Variants in CADM2 observed in about 807,000 individuals in gnomAD.
The protein encoded by CADM2 is cell adhesion molecule 2, also known as immunoglobulin superfamily member 4D.
CADM2 carries 12 observed loss-of-function variants against 49.8 expected under a neutral mutation model. The observed-to-expected ratio is 0.24, with a 90% CI of 0.15 to 0.39. The LOEUF (loss-of-function observed/expected upper bound fraction) is 0.39, where lower values mean the gene tolerates loss of function less well. Among genes scored for constraint, CADM2 ranks in the 10% least tolerant of loss-of-function variants. CADM2 has a pLI of 1.00. For synonymous variants in CADM2, 214 were observed against 175.4 expected (o/e 1.22, Z -1.74); for missense variants, 378 against 492.3 (o/e 0.77, Z 2.20).
chr3:85,539,612 A>G (rs185507718), intron 1 of CADM2, among the ~76,000 whole-genome samples: 49 of 152,244 alleles, frequency 3.2e-4, no homozygotes, highest in Non-Finnish European at 4.0e-4. Flanking sequence ...AATTTAATTA[A>G]ATCCTTATAA....
chr3:85,293,013 A>T (rs1022707796), intron 1 of CADM2, among the ~76,000 whole-genome samples: 7 of 152,344 alleles, frequency 4.6e-5, no homozygotes, highest in African/African-American at 1.7e-4. Context: ...TGGTTTTTTG[A>T]AAGGATCAAC....
chr3:85,492,135 A>G (rs144848633), intron 1 of CADM2, among the ~76,000 whole-genome samples: 3 of 152,280 alleles, frequency 2.0e-5, no homozygotes, highest in African/African-American at 4.8e-5. Context: ...ATCTTCTGAG[A>G]AAAGACTATG....
At chr3:85,716,237 T>C (rs1253192979) in intron 1 of CADM2, among the ~76,000 whole-genome samples, 1 of 152,244 alleles carries the variant, frequency 6.6e-6, no homozygotes, top group Non-Finnish European at 1.5e-5. Context: ...GGTTTTGATT[T>C]GCATTTCTCT....
At chr3:85,471,746 C>T (rs1311273731) in intron 1 of CADM2, among the ~76,000 whole-genome samples, 1 of 111,632 alleles carries the variant, frequency 9.0e-6, no homozygotes, top group Non-Finnish European at 1.9e-5. Flanking sequence ...TTCTGGGGTA[C>T]ATGTAAGTTT....
At chr3:85,196,739 T>C (rs1380667450) in intron 1 of CADM2, among the ~76,000 whole-genome samples, 1 of 151,930 alleles carries the variant, frequency 6.6e-6, no homozygotes, top group African/African-American at 2.4e-5. Context: ...CATTTAAACA[T>C]CTCTATATTT....
At chr3:85,485,688 C>G (rs1338060404) in intron 1 of CADM2, among the ~76,000 whole-genome samples, 1 of 151,976 alleles carries the variant, frequency 6.6e-6, no homozygotes, top group Non-Finnish European at 1.5e-5. Context: ...TGAAAAGTAA[C>G]TATTTATTGC....
chr3:86,010,201 C>G (rs1731327908), intron 8 of CADM2, among the ~76,000 whole-genome samples: 1 of 151,798 alleles, frequency 6.6e-6, no homozygotes, highest in African/African-American at 2.4e-5. Flanking sequence ...CAATCCTGGA[C>G]AGGTCAAATA....
intron 1 of CADM2, among the ~76,000 whole-genome samples, chr3:85,310,140 A>T (rs2044308539): frequency 6.6e-6 from 1 of 152,226 alleles, no homozygotes; most frequent in African/African-American, 2.4e-5. Context: ...AGAAAATGTA[A>T]CCAGCTACTG....
intron 3 of CADM2, among the ~76,000 whole-genome samples, chr3:85,863,346 T>G (rs889927066): frequency 6.6e-6 from 1 of 152,118 alleles, no homozygotes; most frequent in African/African-American, 2.4e-5. Context: ...GATAAGGCCT[T>G]TAAGAGGTGA....
chr3:85,521,769 ATTT>A (rs758565370), intron 1 of CADM2, among the ~76,000 whole-genome samples: 2 of 152,106 alleles, frequency 1.3e-5, no homozygotes, highest in Non-Finnish European at 2.9e-5. Flanking sequence ...GTGGCAGAGA[ATTT>A]AAGAGATTTA....
chr3:85,815,952 T>G (rs1296686338), intron 3 of CADM2, among the ~76,000 whole-genome samples: 1 of 152,168 alleles, frequency 6.6e-6, no homozygotes, highest in Non-Finnish European at 1.5e-5. Flanking sequence ...ATAGCATTAT[T>G]ACTATAATTC....
At chr3:85,766,261 T>C (rs1016350878) in intron 2 of CADM2, among the ~76,000 whole-genome samples, 2 of 152,230 alleles carry the variant, frequency 1.3e-5, no homozygotes, top group South Asian at 2.1e-4. Context: ...CTAGAGTATA[T>C]GTGCTCTAGG....
At chr3:86,052,327 G>A (rs535616522) in intron 8 of CADM2, among the ~76,000 whole-genome samples, 22 of 152,054 alleles carry the variant, frequency 1.4e-4, no homozygotes, top group Middle Eastern at 6.8e-3. Context: ...TATTAGGTAC[G>A]GCTTTGAAAA....
At chr3:85,999,716 T>G (rs1310404479) in intron 8 of CADM2, among the ~76,000 whole-genome samples, 1 of 151,700 alleles carries the variant, frequency 6.6e-6, no homozygotes, top group African/African-American at 2.4e-5. Context: ...TATTTAATTT[T>G]TATACAGGGA....
intron 1 of CADM2, among the ~76,000 whole-genome samples, chr3:85,312,199 A>T (rs1391223510): frequency 1.3e-5 from 2 of 152,192 alleles, no homozygotes. Context: ...CCAATAGCTT[A>T]TTGAAGTACC....
In CADM2 at chr3:85,515,631, A is replaced by ATATATATATATATT. The variant is rs1159969286; in HGVS notation, c.62-210890_62-210889insATATATATATATTT. Among the ~76,000 whole-genome samples the ATATATATATATATT allele has an allele frequency of 4.2e-5, 5 of 118,408 alleles. No homozygotes were observed. The East Asian group carries it at 7.0e-4, about 17-fold the overall frequency. The allele number at this position is 118,408 out of a possible 152,430, so 77.7% of individuals were successfully genotyped here. A position where few individuals can be genotyped will look rare whatever the true frequency, so the allele number is the denominator to read the frequency against. On this transcript the variant is annotated intron_variant, in intron 1 of 9. Transcript: ENST00000383699. ...CACTAATATATATATATATATATATATTTTTTTTTTTTGTATCTTTAGTAG... is the reference window on the plus strand; with the variant it reads ...CACTAATATATATATATATATATATATATATATATATATTTTTTTTTTTTTTGTATCTTTAGTAG...
At chr3:85,213,122 A>T (rs1339384533) in intron 1 of CADM2, among the ~76,000 whole-genome samples, 1 of 151,954 alleles carries the variant, frequency 6.6e-6, no homozygotes, top group Non-Finnish European at 1.5e-5. Context: ...ACCTCAGGTG[A>T]TCTGCCTACC....
intron 8 of CADM2, among the ~76,000 whole-genome samples, chr3:86,039,866 G>A (rs1487559007): frequency 2.6e-5 from 4 of 152,150 alleles, no homozygotes; most frequent in Admixed American, 2.0e-4. Context: ...ACATGGCTGG[G>A]TTCTCCTCTG....
intron 8 of CADM2, among the ~76,000 whole-genome samples, chr3:86,017,471 C>T (rs1360916675): frequency 6.6e-6 from 1 of 151,864 alleles, no homozygotes; most frequent in East Asian, 1.9e-4. Context: ...GTGGCACATG[C>T]CTGTAATCCA....
Sources: gnomAD v4.1 joint callset for allele counts (sites outside exome capture counted in the v4.1 genomes callset) on GRCh38, gnomAD v4.1.1 for gene constraint, MANE v1.5 for transcripts, NCBI Gene and HGNC (gene_info 2026-07-23, HGNC 2026-07-21) for gene names.